The following SPOCK1 variants were observed in gnomAD, a reference collection of about 807,000 sequenced individuals.
SPOCK1 encodes the protein testican-1.
SPOCK1 carries 23 observed loss-of-function variants against 55.3 expected under a neutral mutation model. The ratio of observed to expected loss-of-function variants is 0.42; its 90% CI spans 0.30 to 0.59. The LOEUF is 0.59. Among genes scored for constraint, SPOCK1 ranks in the 20% least tolerant of loss-of-function variants. The pLI, the probability that SPOCK1 is intolerant of heterozygous loss-of-function variation, is 0.22. For synonymous variants in SPOCK1, 226 were observed against 221.0 expected, an observed-to-expected ratio of 1.02 and a Z score of -0.20; for missense variants, 499 against 552.5, an observed-to-expected ratio of 0.90 and a Z score of 0.97.
At position 137,335,060 on chromosome 5, in the gene SPOCK1, G is replaced by A. The variant is rs940195879; in HGVS notation, c.187-68005C>T. Among the ~76,000 whole-genome samples, 3 of 152,174 alleles carry A rather than the reference G, an allele frequency of 2.0e-5. 1 individual carries two copies. The highest frequency in any genetic ancestry group is 1.9e-4 in the East Asian group (1 of 5,202). ...GGACCAGCAGTTGCCTGGGGTTAGGGTACAAGTGAGATCTCAGGAAATTTG... is the reference window on the plus strand; with the variant it reads ...GGACCAGCAGTTGCCTGGGGTTAGGATACAAGTGAGATCTCAGGAAATTTG... On this transcript the variant is annotated intron_variant, in intron 2 of 10. Coordinates refer to ENST00000394945, the MANE Select transcript of SPOCK1 (RefSeq NM_004598.4).
At chr5:137,194,214 AAG>A (rs1280935532) in intron 3 of SPOCK1, among the ~76,000 whole-genome samples, 2 of 152,318 alleles carry the variant, frequency 1.3e-5, no homozygotes, top group South Asian at 2.1e-4. Context: ...CAGGTGGAAA[AAG>A]AGATGGCTAC....
chr5:137,378,407 A>G (rs1176996226), intron 2 of SPOCK1, among the ~76,000 whole-genome samples: 1 of 152,250 alleles, frequency 6.6e-6, no homozygotes, highest in East Asian at 1.9e-4. Flanking sequence ...GACAGGCATA[A>G]CAACTCCAGC....
intron 3 of SPOCK1, among the ~76,000 whole-genome samples, chr5:137,172,443 C>A (rs909257249): frequency 3.3e-5 from 5 of 152,102 alleles, no homozygotes; most frequent in African/African-American, 7.2e-5. Flanking sequence ...TGTAGAAAAA[C>A]CAATTATCCA....
At chr5:137,297,037 T>C (rs1473927841) in intron 2 of SPOCK1, among the ~76,000 whole-genome samples, 1 of 152,222 alleles carries the variant, frequency 6.6e-6, no homozygotes, top group African/African-American at 2.4e-5. Flanking sequence ...TACATACACA[T>C]GCAATAGATA....
intron 6 of SPOCK1, among the ~76,000 whole-genome samples, chr5:137,044,560 T>C (rs182169918): frequency 6.6e-6 from 1 of 152,166 alleles, no homozygotes; most frequent in Admixed American, 6.6e-5. Context: ...CTCCCAACAC[T>C]GGGCTTTCAG....
At chr5:137,223,478 T>C (rs1755894054) in intron 3 of SPOCK1, among the ~76,000 whole-genome samples, 1 of 152,192 alleles carries the variant, frequency 6.6e-6, no homozygotes, top group African/African-American at 2.4e-5. Context: ...TATTTTCCTC[T>C]TTCCTCACAA....
intron 3 of SPOCK1, among the ~76,000 whole-genome samples, chr5:137,231,138 G>A (rs11958147): frequency 0.089 from 13,518 of 151,740 alleles, 1,248 homozygotes; most frequent in African/African-American, 0.23. Flanking sequence ...CCACCTTCCC[G>A]GGTTCAAGTG....
In SPOCK1 at chr5:137,398,688, G is replaced by A. The variant is rs543391694; in HGVS notation, c.186+99685C>T. Among the ~76,000 whole-genome samples the A allele has an allele frequency of 5.9e-5, 9 of 152,076 alleles. No individual in the cohort carries two copies. The East Asian group carries it at 1.5e-3, about 26-fold the overall frequency. ...AATTGATTCTCTAATTTGAAAATTT[G>A]GCAGATTAACAGGGTTTTATGGTGA... On this transcript the variant is annotated intron_variant, in intron 2 of 10. Coordinates refer to ENST00000394945, the MANE Select transcript of SPOCK1 (RefSeq NM_004598.4).
chr5:137,202,520 G>A (rs1275331177), intron 3 of SPOCK1, among the ~76,000 whole-genome samples: 1 of 152,164 alleles, frequency 6.6e-6, no homozygotes, highest in Non-Finnish European at 1.5e-5. Context: ...ATACACAAAT[G>A]TACATGATAT....
At chr5:137,257,854 T>G (rs1247031239) in intron 3 of SPOCK1, among the ~76,000 whole-genome samples, 2 of 152,122 alleles carry the variant, frequency 1.3e-5, no homozygotes, top group Non-Finnish European at 2.9e-5. Flanking sequence ...AACACATCCT[T>G]TGAGTGATTT....
In SPOCK1 at chr5:137,269,915, TA is replaced by T. The variant is rs926847151; in HGVS notation, c.187-2861del. ...GACTCAGGTGGCAGAGCCAGGCTTT[TA>T]AAAAAAAAAATCTTATTTTCTATCT... On this transcript the variant is annotated intron_variant, in intron 2 of 10. Coordinates refer to ENST00000394945, the MANE Select transcript of SPOCK1 (RefSeq NM_004598.4). 7.0e-3 allele frequency among the ~76,000 whole-genome samples: 1,041 copies of T among 149,234 alleles called. 6 individuals carry two copies. The highest frequency in any genetic ancestry group is 0.02 in the African/African-American group (833 of 40,806).
chr5:137,298,737 G>C (rs1757535112), intron 2 of SPOCK1, among the ~76,000 whole-genome samples: 1 of 152,106 alleles, frequency 6.6e-6, no homozygotes. Flanking sequence ...TTATTCTTAT[G>C]AAGTACCTCT....
intron 5 of SPOCK1, among the ~76,000 whole-genome samples, chr5:137,102,450 T>C (rs889032778): frequency 1.3e-5 from 2 of 152,114 alleles, no homozygotes; most frequent in African/African-American, 4.8e-5. Context: ...AGACGAGAGA[T>C]GGAAAGAAAC....
intron 5 of SPOCK1, among the ~76,000 whole-genome samples, chr5:137,096,717 T>C (rs1753153639): frequency 1.3e-5 from 2 of 152,238 alleles, no homozygotes; most frequent in Non-Finnish European, 2.9e-5. Flanking sequence ...CCTCAGTCTG[T>C]AGTCATAGTA....
chr5:137,237,587 A>G (rs968825421), intron 3 of SPOCK1, among the ~76,000 whole-genome samples: 3 of 152,240 alleles, frequency 2.0e-5, no homozygotes, highest in African/African-American at 7.2e-5. Context: ...TGTAAACAAG[A>G]CATGTGGTGT....
intron 6 of SPOCK1, among the ~76,000 whole-genome samples, chr5:137,055,317 A>T (rs1752279599): frequency 6.6e-6 from 1 of 152,194 alleles, no homozygotes; most frequent in African/African-American, 2.4e-5. Context: ...ATGGATGAAG[A>T]TACATTACTC....
chr5:137,382,399 T>TATA (rs981068140), intron 2 of SPOCK1, among the ~76,000 whole-genome samples: 2 of 152,250 alleles, frequency 1.3e-5, no homozygotes, highest in African/African-American at 4.8e-5. Context: ...CAGGTATCTT[T>TATA]ATAGCAGTGC....
chr5:136,979,217 A>C (rs898952249), intron 10 of SPOCK1, 115 bp downstream of exon 10: 14 of 1,446,838 alleles, frequency 9.7e-6, no homozygotes, highest in Admixed American at 2.0e-5. Context: ...CCTCTATTAT[A>C]AACTTAATGT....
rs1201720379 is a variant in SPOCK1, at chr5:136,985,218, T to G, written c.929-16A>C. Reference sequence around the variant, plus strand: ...CAAGGGAGACCTAAAAAATAATTTCTGAAAGTCAGCTTCCAGATGGTATGG... The same window carrying G: ...CAAGGGAGACCTAAAAAATAATTTCGGAAAGTCAGCTTCCAGATGGTATGG... On this transcript the variant is annotated splice_polypyrimidine_tract_variant and intron_variant, in intron 8 of 10. Transcript: ENST00000394945. The G allele has an allele frequency of 6.2e-7, 1 of 1,613,224 alleles. No individual in the cohort carries two copies. Among genetic ancestry groups the G allele is most frequent in the African/African-American group, 1.3e-5 (1 of 75,020 alleles).
Sources: gnomAD v4.1 joint callset for allele counts (sites outside exome capture counted in the v4.1 genomes callset) on GRCh38, gnomAD v4.1.1 for gene constraint, MANE v1.5 for transcripts, NCBI Gene and HGNC (gene_info 2026-07-23, HGNC 2026-07-21) for gene names.